CA8: variants seen among roughly 807,000 people sequenced by gnomAD.
CA8 encodes carbonic anhydrase 8 (inactive), also known as carbonic anhydrase-related protein.
CA8 carries 22 observed loss-of-function variants against 41.4 expected under a neutral mutation model. That is an observed-to-expected ratio of 0.53 (90% CI 0.38 to 0.76). CA8 has a LOEUF of 0.76. CA8 is among the 30% of genes least tolerant of loss of function. CA8 has a pLI of 0.00. For synonymous variants in CA8, 121 were observed against 130.6 expected, an observed-to-expected ratio of 0.93 and a Z score of 0.50; for missense variants, 270 against 352.8, an observed-to-expected ratio of 0.77 and a Z score of 1.88.
chr8:60,201,379 G>A (rs1261449372), intron 8 of CA8, among the ~76,000 whole-genome samples: 1 of 152,176 alleles, frequency 6.6e-6, no homozygotes, highest in Non-Finnish European at 1.5e-5. Context: ...GCTGAACCAT[G>A]AGGACTCCAA....
At chr8:60,208,693 G>T in intron 8 of CA8, 57 bp downstream of exon 8, 2 of 1,418,960 alleles carry the variant, frequency 1.4e-6, no homozygotes, top group Non-Finnish European at 2.0e-6. Context: ...GTGTACCTTT[G>T]GTACGCTAGG....
chr8:60,239,021 G>T (rs1807928743), intron 3 of CA8, among the ~76,000 whole-genome samples: 1 of 152,136 alleles, frequency 6.6e-6, no homozygotes, highest in African/African-American at 2.4e-5. Flanking sequence ...CAGACAGGAA[G>T]AAAAAGGAAG....
intron 3 of CA8, among the ~76,000 whole-genome samples, chr8:60,240,730 C>A (rs2130519935): frequency 9.0e-6 from 1 of 110,652 alleles, no homozygotes; most frequent in East Asian, 2.1e-4. Context: ...TTCCTCAGCC[C>A]CCAAAAAATC....
intron 2 of CA8, among the ~76,000 whole-genome samples, chr8:60,275,286 A>C (rs767341887): frequency 1.2e-4 from 18 of 152,220 alleles, no homozygotes; most frequent in Non-Finnish European, 2.5e-4. Context: ...AATAGGAACG[A>C]AGAGCCAAAG....
chr8:60,243,653 AC>A (rs1808120779), intron 3 of CA8, among the ~76,000 whole-genome samples: 1 of 151,890 alleles, frequency 6.6e-6, no homozygotes, highest in Non-Finnish European at 1.5e-5. Flanking sequence ...GAAACTTCTC[AC>A]CATGTTCCCC....
intron 3 of CA8, among the ~76,000 whole-genome samples, chr8:60,258,508 G>A (rs1207818648): frequency 6.6e-6 from 1 of 152,128 alleles, no homozygotes; most frequent in Admixed American, 6.5e-5. Flanking sequence ...CCAGTTTCAT[G>A]GAAGACAATT....
chr8:60,239,347 C>T (rs1807939092), intron 3 of CA8, among the ~76,000 whole-genome samples: 1 of 152,110 alleles, frequency 6.6e-6, no homozygotes, highest in Non-Finnish European at 1.5e-5. Flanking sequence ...ACTGCTGCTG[C>T]CTTGAGAAAG....
chr8:60,204,628 T>C (rs995880190), intron 8 of CA8, among the ~76,000 whole-genome samples: 12 of 152,228 alleles, frequency 7.9e-5, no homozygotes, highest in African/African-American at 2.9e-4. Flanking sequence ...CTTGGTGTTT[T>C]GGCATTTTAC....
At chr8:60,198,271 T>C (rs1417625900) in intron 8 of CA8, among the ~76,000 whole-genome samples, 2 of 152,120 alleles carry the variant, frequency 1.3e-5, no homozygotes, top group South Asian at 2.1e-4. Flanking sequence ...ACCGGTCTCA[T>C]AGGATTGTTA....
chr8:60,216,736 G>A (rs544551029), intron 7 of CA8, among the ~76,000 whole-genome samples: 2 of 152,290 alleles, frequency 1.3e-5, no homozygotes, highest in East Asian at 1.9e-4. Flanking sequence ...CATATCTACA[G>A]GATCCGTTAA....
At chr8:60,280,784 G>A (rs1804389550) in intron 1 of CA8, among the ~76,000 whole-genome samples, 1 of 152,258 alleles carries the variant, frequency 6.6e-6, no homozygotes, top group Admixed American at 6.5e-5. Context: ...CCTCCGGACC[G>A]CAGCAGGTGC....
In CA8 at chr8:60,187,366, T is replaced by A. The variant is rs932751777; in HGVS notation, c.*2655A>T. Reference sequence around the variant, plus strand: ...AATTTATAACTGTTAATGCCTTTATTCAAAAAAGAATTCAAATCAATAACC... The same window carrying A: ...AATTTATAACTGTTAATGCCTTTATACAAAAAAGAATTCAAATCAATAACC... On this transcript the variant is annotated 3_prime_UTR_variant, in exon 9 of 9. Coordinates refer to ENST00000317995, the MANE Select transcript of CA8 (RefSeq NM_004056.6). 5.9e-5 allele frequency: 9 copies of A among 152,154 alleles called. No individual in the cohort carries two copies. The highest frequency in any genetic ancestry group is 2.2e-4 in the African/African-American group (9 of 41,540). 9.4% of individuals were successfully genotyped at this position (152,154 alleles called of 1,614,324 possible). A position where few individuals can be genotyped will look rare whatever the true frequency, so the allele number is the denominator to read the frequency against.
chr8:60,228,861 T>C (rs1807537113), intron 4 of CA8, among the ~76,000 whole-genome samples: 1 of 152,210 alleles, frequency 6.6e-6, no homozygotes, highest in African/African-American at 2.4e-5. Context: ...AAACCTCATA[T>C]CTTGCAAATT....
chr8:60,197,001 G>GA (rs1243824839), intron 8 of CA8, among the ~76,000 whole-genome samples: 1 of 152,122 alleles, frequency 6.6e-6, no homozygotes, highest in Non-Finnish European at 1.5e-5. Context: ...GATTGGCAAG[G>GA]ATGAAAAATT....
In CA8 at chr8:60,281,110, A is replaced by G; in HGVS notation, c.38T>C (p.Phe13Ser). The G allele has an allele frequency of 6.2e-7, 1 of 1,600,888 alleles. No individual in the cohort carries two copies. Among genetic ancestry groups the G allele is most frequent in the Non-Finnish European group, 8.5e-7 (1 of 1,175,096 alleles). The change falls in exon 1 of 9, where the codon TTC becomes TCC. Residue 13 changes from phenylalanine (F) to serine (S), a missense_variant. Phe to Ser is a radical substitution (Grantham distance 155). Coordinates refer to ENST00000317995, the MANE Select transcript of CA8 (RefSeq NM_004056.6). ...CTCCTCATCCTCTTCCTTCTCGGGG[A>G]AGGCGACGGTATCTTCGATGAAGCT... is the stretch of plus-strand genomic sequence containing the variant. Reference protein sequence around the residue: ...DLSFIEDTVAFPEKEEDEEEE... With the variant: ...DLSFIEDTVASPEKEEDEEEE...
At chr8:60,226,303 TGATAAG>T (rs137926838) in intron 5 of CA8, among the ~76,000 whole-genome samples, 45,713 of 151,682 alleles carry the variant, frequency 0.3, 8,463 homozygotes, top group Admixed American at 0.41. Context: ...ATATTCTACC[TGATAAG>T]ACTGTTTCTG....
intron 8 of CA8, among the ~76,000 whole-genome samples, chr8:60,196,098 A>C (rs988049983): frequency 1.3e-5 from 2 of 152,198 alleles, no homozygotes; most frequent in Non-Finnish European, 2.9e-5. Context: ...GGGTGTTATC[A>C]GTGTCTATCT....
At position 60,266,065 on chromosome 8, in the gene CA8, T is replaced by C. The variant is rs543917887; in HGVS notation, c.293-16A>G. 9.3e-6 allele frequency: 15 copies of C among 1,612,484 alleles called. No homozygotes were observed. The highest frequency in any genetic ancestry group is 8.0e-5 in the African/African-American group (6 of 75,014). ...CCCGAAAGAACTGAAAAAGAAAATA[T>C]ATGTTACCGAATTACAGCACACATT... On this transcript the variant is annotated splice_polypyrimidine_tract_variant and intron_variant, in intron 2 of 8. Transcript: ENST00000317995.
At chr8:60,207,327 T>C (rs10087699) in intron 8 of CA8, among the ~76,000 whole-genome samples, 9,514 of 152,228 alleles carry the variant, frequency 0.062, 1,034 homozygotes, top group African/African-American at 0.22. Context: ...ATCAGAACAT[T>C]ATATGAACAT....
Sources: allele counts gnomAD v4.1 joint callset (sites outside exome capture counted in the v4.1 genomes callset), GRCh38; gene constraint gnomAD v4.1.1; transcripts MANE v1.5; gene names NCBI Gene and HGNC (gene_info 2026-07-23, HGNC 2026-07-21).